The following EYS variants were observed in gnomAD, a reference collection of about 807,000 sequenced individuals.
The protein encoded by EYS is protein eyes shut homolog.
In EYS, 250 loss-of-function variants were observed where a neutral mutation model predicts 282.1. The ratio of observed to expected loss-of-function variants is 0.89; its 90% CI spans 0.80 to 0.98. The LOEUF is 0.98. EYS is among the 50% of genes least tolerant of loss of function. The pLI is 0.00. For missense variants in EYS, 4,016 were observed against 3,709.0 expected, an observed-to-expected ratio of 1.08 and a Z score of -2.15; for synonymous variants, 1,355 against 1,282.9, an observed-to-expected ratio of 1.06 and a Z score of -1.20.
Position 65,322,657 on chromosome 6 carries a change from TG to T in EYS, c.1766+12322del, listed in dbSNP as rs545090236. On this transcript the variant is annotated intron_variant, in intron 11 of 42. Coordinates refer to ENST00000503581, the MANE Select transcript of EYS (RefSeq NM_001142800.2). ...TAAAAATACAAAACTTAGCTGGGCC[TG>T]GGGGCGCGCGCCTGTAGTCCCAGCT... Among the ~76,000 whole-genome samples, 4 of 151,536 alleles carry T rather than the reference TG, an allele frequency of 2.6e-5. No homozygotes were observed. The South Asian group carries it at 8.4e-4, about 32-fold the overall frequency.
intron 31 of EYS, among the ~76,000 whole-genome samples, chr6:64,162,169 A>G (rs1035084912): frequency 2.0e-5 from 3 of 152,116 alleles, no homozygotes; most frequent in African/African-American, 7.2e-5. Context: ...GTCAGGAGAG[A>G]ACATTATTTG....
intron 15 of EYS, among the ~76,000 whole-genome samples, chr6:64,915,834 G>T (rs77213914): frequency 0.018 from 2,774 of 152,224 alleles, 165 homozygotes; most frequent in Admixed American, 0.13. Context: ...AAGTTCAAAG[G>T]ATAACAGTGA....
intron 22 of EYS, among the ~76,000 whole-genome samples, chr6:64,694,529 C>T (rs1416773456): frequency 1.3e-5 from 2 of 152,114 alleles, no homozygotes; most frequent in Non-Finnish European, 2.9e-5. Flanking sequence ...AGGAAGTGCC[C>T]TGCATGCATT....
chr6:64,792,033 T>G (rs1562194137), intron 22 of EYS, among the ~76,000 whole-genome samples: 1 of 151,956 alleles, frequency 6.6e-6, no homozygotes, highest in Non-Finnish European at 1.5e-5. Context: ...ATCATCCTAG[T>G]GCAGGTTCTG....
At chr6:65,317,734 G>T (rs1443547090) in intron 11 of EYS, among the ~76,000 whole-genome samples, 16 of 151,938 alleles carry the variant, frequency 1.1e-4, no homozygotes, top group African/African-American at 3.6e-4. Flanking sequence ...GATACCGACA[G>T]AGCTCAATTC....
chr6:64,322,637 A>C (rs1167457266), intron 29 of EYS, among the ~76,000 whole-genome samples: 2 of 152,164 alleles, frequency 1.3e-5, no homozygotes, highest in Non-Finnish European at 2.9e-5. Flanking sequence ...TTTGTGGTTG[A>C]GGTGAAGTAT....
intron 12 of EYS, among the ~76,000 whole-genome samples, chr6:65,129,380 G>C (rs1775803830): frequency 6.6e-6 from 1 of 151,878 alleles, no homozygotes; most frequent in African/African-American, 2.4e-5. Flanking sequence ...AGAATAAATA[G>C]ACAACCTACA....
At chr6:65,317,471 G>A (rs1425075823) in intron 11 of EYS, among the ~76,000 whole-genome samples, 2 of 151,892 alleles carry the variant, frequency 1.3e-5, no homozygotes, top group East Asian at 1.9e-4. Flanking sequence ...CTATTGTTAC[G>A]GTCTGTATAT....
intron 31 of EYS, among the ~76,000 whole-genome samples, chr6:64,217,631 T>C (rs1252674101): frequency 1.3e-5 from 2 of 152,188 alleles, no homozygotes; most frequent in African/African-American, 4.8e-5. Context: ...TTTATGTTAA[T>C]ATAATAACAT....
In EYS at chr6:64,193,963, G is replaced by A. The variant is rs542726601; in HGVS notation, c.6424+36629C>T. On this transcript the variant is annotated intron_variant, in intron 31 of 42. Coordinates refer to ENST00000503581, the MANE Select transcript of EYS (RefSeq NM_001142800.2). ...GTGAATAGTGCTGCAATAAACATAC[G>A]TGTGCATGTGTCTTTATAGCAGCAT... 6.6e-5 allele frequency among the ~76,000 whole-genome samples: 10 copies of A among 152,222 alleles called. No individual in the cohort carries two copies. The South Asian group carries it at 1.0e-3, about 16-fold the overall frequency.
intron 12 of EYS, among the ~76,000 whole-genome samples, chr6:65,221,206 G>C (rs1441604247): frequency 6.6e-6 from 1 of 152,216 alleles, no homozygotes; most frequent in Non-Finnish European, 1.5e-5. Flanking sequence ...GTTGGTTGCA[G>C]AAATTTGCCT....
At chr6:65,688,916 A>G (rs1257937650) in intron 1 of EYS, among the ~76,000 whole-genome samples, 1 of 151,670 alleles carries the variant, frequency 6.6e-6, no homozygotes, top group East Asian at 2.0e-4. Context: ...ACACTTTTAC[A>G]CTGTTGGTGG....
chr6:65,700,344 T>C (rs995312306), intron 1 of EYS, among the ~76,000 whole-genome samples: 1 of 151,838 alleles, frequency 6.6e-6, no homozygotes, highest in Non-Finnish European at 1.5e-5. Context: ...TAATGATAGA[T>C]ATTAGGAAAC....
rs78571803 is a variant in EYS, at chr6:65,492,106, T to C, written c.749-1399A>G. On this transcript the variant is annotated intron_variant, in intron 4 of 42. Coordinates refer to ENST00000503581, the MANE Select transcript of EYS (RefSeq NM_001142800.2). The stretch of plus-strand genomic sequence containing the variant: ...TGTTATGACAGCTCTAGCAAATTAA[T>C]GCAGTAAGCATTCTCAATTGTTTTG... Among the ~76,000 whole-genome samples, 1,286 of 152,314 alleles carry C rather than the reference T, an allele frequency of 8.4e-3. 25 individuals carry two copies. The highest frequency in any genetic ancestry group is 0.029 in the African/African-American group (1,187 of 41,576).
intron 2 of EYS, among the ~76,000 whole-genome samples, chr6:65,593,351 CTATAATA>C (rs1307711018): frequency 2.0e-5 from 3 of 152,108 alleles, no homozygotes; most frequent in African/African-American, 7.2e-5. Flanking sequence ...TTTTGCTTCT[CTATAATA>C]TTTTATTACT....
intron 19 of EYS, among the ~76,000 whole-genome samples, chr6:64,834,088 A>G (rs1562216208): frequency 6.6e-6 from 1 of 151,868 alleles, no homozygotes; most frequent in African/African-American, 2.4e-5. Context: ...GAGTCAATCG[A>G]ATGCATTCAA....
intron 8 of EYS, among the ~76,000 whole-genome samples, chr6:65,377,983 G>A (rs1378509326): frequency 6.6e-6 from 1 of 152,074 alleles, no homozygotes; most frequent in East Asian, 1.9e-4. Flanking sequence ...GTACAAATAG[G>A]AGCTGGGACC....
intron 12 of EYS, among the ~76,000 whole-genome samples, chr6:65,096,825 T>C (rs1296197523): frequency 1.3e-5 from 2 of 150,992 alleles, no homozygotes; most frequent in Non-Finnish European, 3.0e-5. Context: ...ACCCTTATCT[T>C]ACACCCTACA....
chr6:64,994,798 G>T (rs887475412), intron 14 of EYS, among the ~76,000 whole-genome samples: 3 of 151,798 alleles, frequency 2.0e-5, no homozygotes, highest in African/African-American at 7.3e-5. Flanking sequence ...TATTATTATA[G>T]AATGCATTGT....
Sources: gnomAD v4.1 joint callset for allele counts (sites outside exome capture counted in the v4.1 genomes callset) on GRCh38, gnomAD v4.1.1 for gene constraint, MANE v1.5 for transcripts, NCBI Gene and HGNC (gene_info 2026-07-23, HGNC 2026-07-21) for gene names.